The following NRXN1 variants were observed in gnomAD, a reference collection of about 807,000 sequenced individuals.
NRXN1 encodes neurexin 1.
NRXN1 carries 39 observed loss-of-function variants against 150.9 expected under a neutral mutation model. That is an observed-to-expected ratio of 0.26 (90% CI 0.20 to 0.34). The LOEUF (loss-of-function observed/expected upper bound fraction) is 0.34, where lower values mean the gene tolerates loss of function less well. Among genes scored for constraint, NRXN1 ranks in the 10% least tolerant of loss-of-function variants. The pLI is 1.00. For synonymous variants in NRXN1, 924 were observed against 757.0 expected (o/e 1.22, Z -3.62); for missense variants, 1,815 against 1,949.9 (o/e 0.93, Z 1.30).
chr2:51,027,263 A>G (rs1050534827), intron 2 of NRXN1, among the ~76,000 whole-genome samples: 2 of 152,206 alleles, frequency 1.3e-5, no homozygotes, highest in African/African-American at 4.8e-5. Flanking sequence ...TAGTGTTGGT[A>G]GAAAGGTCTC....
intron 5 of NRXN1, among the ~76,000 whole-genome samples, chr2:50,628,050 T>A (rs750142083): frequency 6.6e-6 from 1 of 151,884 alleles, no homozygotes; most frequent in African/African-American, 2.4e-5. Context: ...AACTAAATTA[T>A]AAAGTTTTGG....
At chr2:50,913,956 A>C (rs1006792310) in intron 5 of NRXN1, among the ~76,000 whole-genome samples, 2 of 151,758 alleles carry the variant, frequency 1.3e-5, no homozygotes, top group Non-Finnish European at 2.9e-5. Context: ...ATAAAGCAGA[A>C]TCTCCTTGGT....
chr2:51,029,333 A>G (rs1199166106), intron 1 of NRXN1, 139 bp from the exon 2 acceptor site: 1 of 152,226 alleles, frequency 6.6e-6, no homozygotes, highest in African/African-American at 2.4e-5. Context: ...AGCTTTTGTT[A>G]TCCTCACTAC....
At chr2:50,246,196 C>A (rs759631425) in intron 17 of NRXN1, among the ~76,000 whole-genome samples, 1 of 151,928 alleles carries the variant, frequency 6.6e-6, no homozygotes, top group Non-Finnish European at 1.5e-5. Context: ...GCCATCCAAG[C>A]CTTTGGCTTA....
At chr2:50,498,134 T>C (rs2091749165) in intron 13 of NRXN1, among the ~76,000 whole-genome samples, 1 of 152,096 alleles carries the variant, frequency 6.6e-6, no homozygotes, top group Non-Finnish European at 1.5e-5. Context: ...CTCAGCCTCA[T>C]GGATAGGTGA....
At chr2:49,974,199 G>GA (rs778304724) in intron 21 of NRXN1, 2 of 703,492 alleles carry the variant, frequency 2.8e-6, no homozygotes, top group Non-Finnish European at 5.3e-6. Flanking sequence ...AAAAGACACA[G>GA]AAAACGCTCT....
chr2:51,017,097 C>A (rs892448042), intron 2 of NRXN1, among the ~76,000 whole-genome samples: 3 of 151,564 alleles, frequency 2.0e-5, no homozygotes, highest in Non-Finnish European at 4.4e-5. Context: ...CACACTGGGG[C>A]CTGTCAGGGG....
intron 5 of NRXN1, among the ~76,000 whole-genome samples, chr2:50,627,167 AT>A (rs1168292095): frequency 2.0e-5 from 3 of 151,834 alleles, no homozygotes; most frequent in Admixed American, 2.0e-4. Context: ...ACCAACTGTA[AT>A]AAGTTTCTTT....
chr2:50,198,123 G>A (rs1193513095), intron 18 of NRXN1, among the ~76,000 whole-genome samples: 1 of 152,092 alleles, frequency 6.6e-6, no homozygotes, highest in East Asian at 1.9e-4. Context: ...TCATCTGTGG[G>A]GCATTGCTAT....
intron 2 of NRXN1, among the ~76,000 whole-genome samples, chr2:50,937,752 A>C (rs1688763316): frequency 6.6e-6 from 1 of 152,128 alleles, no homozygotes; most frequent in African/African-American, 2.4e-5. Flanking sequence ...TATTATAAAG[A>C]CATGGCCATG....
intron 5 of NRXN1, among the ~76,000 whole-genome samples, chr2:50,807,016 A>G (rs1667595829): frequency 6.6e-6 from 1 of 152,118 alleles, no homozygotes; most frequent in Admixed American, 6.6e-5. Context: ...TATAAGAGGA[A>G]TTCTGGGGGT....
chr2:50,650,566 G>A (rs191941798), intron 5 of NRXN1, among the ~76,000 whole-genome samples: 1 of 152,078 alleles, frequency 6.6e-6, no homozygotes, highest in East Asian at 1.9e-4. Context: ...TTATTCCAGA[G>A]GTCAGAAAAA....
chr2:50,472,092 T>C (rs947926382), intron 16 of NRXN1, among the ~76,000 whole-genome samples: 7 of 151,564 alleles, frequency 4.6e-5, no homozygotes, highest in African/African-American at 1.5e-4. Flanking sequence ...ATACCTCCCA[T>C]TTTACATTGG....
intron 17 of NRXN1, among the ~76,000 whole-genome samples, chr2:50,258,928 T>A (rs192483567): frequency 1.1e-4 from 17 of 152,084 alleles, no homozygotes; most frequent in African/African-American, 4.1e-4. Context: ...GGTCTCAATA[T>A]TGGGCTCAAA....
intron 17 of NRXN1, among the ~76,000 whole-genome samples, chr2:50,318,031 A>G (rs2075747562): frequency 1.3e-5 from 2 of 152,112 alleles, no homozygotes; most frequent in African/African-American, 4.8e-5. Flanking sequence ...TCACCAAAAT[A>G]TACCATAAAA....
intron 17 of NRXN1, among the ~76,000 whole-genome samples, chr2:50,270,137 G>A (rs1306493412): frequency 2.6e-5 from 4 of 151,976 alleles, no homozygotes; most frequent in African/African-American, 9.7e-5. Flanking sequence ...AAACCATGTG[G>A]GAGAATCCCA....
intron 5 of NRXN1, among the ~76,000 whole-genome samples, chr2:50,767,285 T>C (rs1702488029): frequency 6.6e-6 from 1 of 152,098 alleles, no homozygotes. Flanking sequence ...CAATAATATA[T>C]CTTTATTATT....
rs1680420849 is a variant in NRXN1 at position 50,623,485 on chromosome 2, C to G, written c.963G>C (p.Met321Ile). The change falls in exon 6 of 23, where the codon ATG (methionine) becomes ATC (isoleucine). Residue 321 changes from methionine to isoleucine, a missense_variant. By Grantham distance (10) the Met-to-Ile change is conservative. This residue lies in a region of NRXN1 where 554 missense variants were observed against 478.8 expected (regional missense o/e 1.16). Transcript: ENST00000401669. ...SFKTLQRNGL[M>I]LHTGKSADYV... ...AATCAGCCGATTTCCCAGTGTGAAG[C>G]ATCAGTCCATTCCTCTGAAGGGTTT... 6.2e-7 allele frequency: 1 copy of G among 1,613,336 alleles called. No homozygotes were observed. Among genetic ancestry groups the G allele is most frequent in the African/African-American group, 1.3e-5 (1 of 74,864 alleles).
intron 19 of NRXN1, among the ~76,000 whole-genome samples, chr2:50,064,293 T>C (rs1302952528): frequency 6.6e-6 from 1 of 151,988 alleles, no homozygotes; most frequent in Admixed American, 6.6e-5. Flanking sequence ...AATTTTGAAT[T>C]TGCCATTGTA....
Sources: allele counts gnomAD v4.1 joint callset (sites outside exome capture counted in the v4.1 genomes callset), GRCh38; gene constraint gnomAD v4.1.1; regional missense constraint gnomAD v4.1.1; transcripts MANE v1.5; gene names NCBI Gene and HGNC (gene_info 2026-07-23, HGNC 2026-07-21).